The following NELL1 variants were observed in gnomAD, a reference collection of about 807,000 sequenced individuals.
NELL1 encodes the protein protein kinase C-binding protein NELL1.
NELL1 carries 76 observed loss-of-function variants against 107.4 expected under a neutral mutation model. The ratio of observed to expected loss-of-function variants is 0.71; its 90% CI spans 0.59 to 0.86. The LOEUF is 0.86. Among genes scored for constraint, NELL1 ranks in the 40% least tolerant of loss-of-function variants. NELL1 has a pLI of 0.00. For missense variants in NELL1, 1,024 were observed against 1,005.5 expected (o/e 1.02, Z -0.25); for synonymous variants, 353 against 341.2 (o/e 1.03, Z -0.38).
chr11:21,491,315 G>T (rs1161170695), intron 15 of NELL1, among the ~76,000 whole-genome samples: 1 of 152,080 alleles, frequency 6.6e-6, no homozygotes, highest in Non-Finnish European at 1.5e-5. Context: ...TTCTTCTAGG[G>T]TTTCTATGGT....
At chr11:21,250,232 T>C (rs1858603011) in intron 14 of NELL1, among the ~76,000 whole-genome samples, 1 of 152,214 alleles carries the variant, frequency 6.6e-6, no homozygotes, top group Non-Finnish European at 1.5e-5. Context: ...GACAGGGATC[T>C]GTGTAGAGGA....
intron 2 of NELL1, among the ~76,000 whole-genome samples, chr11:20,738,495 G>A (rs574073938): frequency 4.7e-4 from 72 of 152,204 alleles, no homozygotes; most frequent in Non-Finnish European, 8.7e-4. Context: ...TTGAGCTACT[G>A]TGGATCAAAA....
intron 13 of NELL1, among the ~76,000 whole-genome samples, chr11:21,139,843 G>A (rs1855827082): frequency 6.6e-6 from 1 of 152,168 alleles, no homozygotes; most frequent in African/African-American, 2.4e-5. Flanking sequence ...AGGTCAGGCA[G>A]TTTGGGGACT....
At chr11:21,291,413 A>T (rs1400851145) in intron 14 of NELL1, among the ~76,000 whole-genome samples, 7 of 4,726 alleles carry the variant, frequency 1.5e-3, no homozygotes, top group African/African-American at 2.1e-3. Context: ...TAAGTTCTGA[A>T]ATTGAGATGA....
At chr11:20,975,804 TATAC>T (rs1851603422) in intron 12 of NELL1, among the ~76,000 whole-genome samples, 3 of 125,914 alleles carry the variant, frequency 2.4e-5, no homozygotes, top group South Asian at 4.8e-4. Flanking sequence ...TATTATATGA[TATAC>T]ATATTATATA....
At position 21,158,262 on chromosome 11, in the gene NELL1, G is replaced by A. The variant is rs111275334; in HGVS notation, c.1426+44548G>A. ...CCCTACTTTTGAGATTTTGGGGCTC[G>A]GACTGGCTTCCTTGCTCCTCAGCTT... On this transcript the variant is annotated intron_variant, in intron 13 of 19. Transcript: ENST00000357134. 2.9e-3 allele frequency among the ~76,000 whole-genome samples: 435 copies of A among 152,244 alleles called. 3 individuals are homozygous for A. The highest frequency in any genetic ancestry group is 9.7e-3 in the African/African-American group (401 of 41,542).
chr11:21,402,864 G>T (rs1852132519), intron 15 of NELL1, among the ~76,000 whole-genome samples: 2 of 151,696 alleles, frequency 1.3e-5, no homozygotes, highest in African/African-American at 2.4e-5. Flanking sequence ...TGCTGCTAAA[G>T]TAGCCCTGAA....
intron 15 of NELL1, among the ~76,000 whole-genome samples, chr11:21,520,952 T>A (rs1277579716): frequency 6.6e-6 from 1 of 152,256 alleles, no homozygotes; most frequent in Non-Finnish European, 1.5e-5. Flanking sequence ...TTAGAAATAT[T>A]TCTTTCAGTT....
intron 14 of NELL1, among the ~76,000 whole-genome samples, chr11:21,339,930 C>T (rs1042390829): frequency 6.6e-6 from 1 of 152,126 alleles, no homozygotes; most frequent in South Asian, 2.1e-4. Flanking sequence ...AGTAAATGCT[C>T]CGTGAGGCAA....
At chr11:21,390,264 A>G (rs552004941) in intron 15 of NELL1, among the ~76,000 whole-genome samples, 4 of 151,654 alleles carry the variant, frequency 2.6e-5, no homozygotes, top group Non-Finnish European at 5.9e-5. Flanking sequence ...TTGAAAGCAC[A>G]AAGTTTTAAA....
chr11:21,046,883 CT>C (rs764153542), intron 12 of NELL1, among the ~76,000 whole-genome samples: 236 of 141,138 alleles, frequency 1.7e-3, no homozygotes, highest in Middle Eastern at 3.7e-3. Flanking sequence ...AATTTTTAAA[CT>C]TTTTTTTTTT....
intron 3 of NELL1, among the ~76,000 whole-genome samples, chr11:20,803,945 C>G (rs7115916): frequency 1.3e-5 from 2 of 152,130 alleles, no homozygotes; most frequent in South Asian, 2.1e-4. Context: ...GCTTCCTGCC[C>G]TCGAACATCG....
chr11:21,311,481 A>G (rs1849747859), intron 14 of NELL1, among the ~76,000 whole-genome samples: 2 of 152,166 alleles, frequency 1.3e-5, no homozygotes, highest in African/African-American at 4.8e-5. Flanking sequence ...GCATAAAATC[A>G]AATACATAAT....
chr11:21,555,723 G>C (rs967502725), intron 16 of NELL1, among the ~76,000 whole-genome samples: 1 of 151,902 alleles, frequency 6.6e-6, no homozygotes, highest in Admixed American at 6.6e-5. Context: ...ATCTCAAATA[G>C]ATGAAGCTAT....
intron 13 of NELL1, among the ~76,000 whole-genome samples, chr11:21,195,589 G>A (rs931376723): frequency 7.1e-6 from 1 of 139,946 alleles, no homozygotes. Context: ...AAAAAAAAAA[G>A]GGCAGTTAAA....
At position 20,947,448 on chromosome 11, in the gene NELL1, G is replaced by T. The variant is rs1319078885; in HGVS notation, c.1171+13G>T. On this transcript the variant is annotated intron_variant, in intron 11 of 19. Transcript: ENST00000357134. ...CGTGTCTGTAGAGGTAAGTGGGCTT[G>T]GTGGTGGGCCATGCGTGGGGTGAGG... The T allele has an allele frequency of 6.2e-7, 1 of 1,604,216 alleles. No individual in the cohort carries two copies. Among genetic ancestry groups the T allele is most frequent in the South Asian group, 1.1e-5 (1 of 90,832 alleles).
chr11:21,103,323 C>A (rs1370204869), intron 12 of NELL1, among the ~76,000 whole-genome samples: 1 of 152,092 alleles, frequency 6.6e-6, no homozygotes, highest in Non-Finnish European at 1.5e-5. Context: ...AATAATTTGA[C>A]CAAGTAACTG....
chr11:21,450,050 G>T (rs1441091057), intron 15 of NELL1, among the ~76,000 whole-genome samples: 1 of 152,120 alleles, frequency 6.6e-6, no homozygotes, highest in Non-Finnish European at 1.5e-5. Context: ...TTCCTAGCTT[G>T]CCTAGTTGGT....
chr11:21,487,139 C>T (rs1047121103), intron 15 of NELL1, among the ~76,000 whole-genome samples: 1 of 152,074 alleles, frequency 6.6e-6, no homozygotes, highest in Non-Finnish European at 1.5e-5. Flanking sequence ...TGACAAAACT[C>T]CATAAAGGTC....
Sources: gnomAD v4.1 joint callset for allele counts (sites outside exome capture counted in the v4.1 genomes callset) on GRCh38, gnomAD v4.1.1 for gene constraint, MANE v1.5 for transcripts, NCBI Gene and HGNC (gene_info 2026-07-23, HGNC 2026-07-21) for gene names.